MYO16: variants seen among roughly 807,000 people sequenced by gnomAD.
MYO16 encodes myosin XVI.
Under a neutral mutation model 205.3 loss-of-function variants are expected in MYO16, and 94 were observed. The ratio of observed to expected loss-of-function variants is 0.46; its 90% CI spans 0.39 to 0.54. MYO16 has a LOEUF of 0.54. Ranked by LOEUF, MYO16 falls within the 20% of genes least tolerant of loss-of-function variation. The pLI is 0.00. For synonymous variants in MYO16, 988 were observed against 954.0 expected, an observed-to-expected ratio of 1.04 and a Z score of -0.66; for missense variants, 2,315 against 2,387.5, an observed-to-expected ratio of 0.97 and a Z score of 0.63.
the MYO16 span, among the ~76,000 whole-genome samples, chr13:108,576,887 A>G: frequency 2.6e-5 from 4 of 152,056 alleles, no homozygotes; most frequent in Non-Finnish European, 5.9e-5. Flanking sequence ...CAGCCTCCTG[A>G]GTAGCTGGGA....
the MYO16 span, among the ~76,000 whole-genome samples, chr13:108,567,565 T>C: frequency 6.6e-6 from 1 of 152,190 alleles, no homozygotes; most frequent in East Asian, 1.9e-4. Flanking sequence ...AGGATACTCA[T>C]GGCATCTCTT....
chr13:109,138,817 T>A (rs140119502), intron 31 of MYO16, among the ~76,000 whole-genome samples: 2,709 of 152,074 alleles, frequency 0.018, 39 homozygotes, highest in South Asian at 0.03. Flanking sequence ...ATTTAATTTA[T>A]TTATTTATTT....
At chr13:109,022,470 ATG>A (rs1886090727) in intron 23 of MYO16, among the ~76,000 whole-genome samples, 3 of 90,136 alleles carry the variant, frequency 3.3e-5, no homozygotes, top group African/African-American at 1.0e-4. Flanking sequence ...ATATAAACAT[ATG>A]TATATATTTA....
At position 109,127,355 on chromosome 13, in the gene MYO16, G is replaced by A; in HGVS notation, c.3856G>A (p.Gly1286Ser). 15 of 1,613,576 alleles carry A rather than the reference G, an allele frequency of 9.3e-6. No homozygotes were observed. The highest frequency in any genetic ancestry group is 9.3e-6 in the Non-Finnish European group (11 of 1,179,752). Residue 1286 changes from glycine (G) to serine (S), a missense_variant, in exon 31 of 35, where the codon GGC (glycine) becomes AGC (serine). By Grantham distance (56) the Gly-to-Ser change is moderately conservative. Around this residue, in one of 3 missense-constraint regions of MYO16, gnomAD observed 1,097 missense variants for 1,092.0 expected, o/e 1.00. Transcript: ENST00000457511. The surrounding 1 kb of genome is among the most constrained non-coding windows in gnomAD (Gnocchi z 4.2). ...AGTCTGCGCGGCCGTGGATGGCCTG[G>A]GCCAGTGCCTCGTTGGCCCGTCCAT... ...MSVCAAVDGL[G>S]QCLVGPSIWS...
chr13:108,608,940 T>C (rs999553718), intron 1 of MYO16, among the ~76,000 whole-genome samples: 1 of 152,168 alleles, frequency 6.6e-6, no homozygotes, highest in East Asian at 1.9e-4. Context: ...TACCCCACGA[T>C]GAGATTTTTG....
chr13:109,207,756 A>G lies in MYO16; in HGVS notation c.*920A>G. ...AGTACAAATGAGCACGCTGCCATGT[A>G]CTGGTTTGAGCAGTAGGGGCTGCAT... On this transcript the variant is annotated 3_prime_UTR_variant, in exon 35 of 35. Transcript: ENST00000457511. 6.6e-6 allele frequency: 1 copy of G among 152,266 alleles called. No individual in the cohort carries two copies. The highest frequency in any genetic ancestry group is 1.9e-4 in the East Asian group (1 of 5,202). The allele number at this position is 152,266 out of a possible 1,614,324, so 9.4% of individuals were successfully genotyped here.
intron 32 of MYO16, among the ~76,000 whole-genome samples, chr13:109,158,866 C>G (rs770176095): frequency 6.6e-6 from 1 of 152,202 alleles, no homozygotes; most frequent in Non-Finnish European, 1.5e-5. Flanking sequence ...TTGAGTCCCT[C>G]CCTCGGCCTT....
intron 2 of MYO16, among the ~76,000 whole-genome samples, chr13:108,678,524 C>A (rs1205917556): frequency 6.6e-6 from 1 of 152,164 alleles, no homozygotes; most frequent in Non-Finnish European, 1.5e-5. Flanking sequence ...AACACCCCTA[C>A]CAGGCTTTTT....
chr13:108,960,425 A>AC, intron 17 of MYO16, among the ~76,000 whole-genome samples: 1 of 152,336 alleles, frequency 6.6e-6, no homozygotes, highest in South Asian at 2.1e-4. Context: ...TTATATGTAT[A>AC]TCACTTTCAT....
chr13:109,150,922 A>G (rs1877624589), intron 32 of MYO16, among the ~76,000 whole-genome samples: 1 of 152,202 alleles, frequency 6.6e-6, no homozygotes, highest in South Asian at 2.1e-4. Context: ...CTTCCTGACT[A>G]TCTGCATCTC....
intron 16 of MYO16, among the ~76,000 whole-genome samples, chr13:108,938,441 C>T (rs966915295): frequency 1.3e-5 from 2 of 152,330 alleles, no homozygotes; most frequent in East Asian, 3.9e-4. Context: ...ACCCACAGGT[C>T]CCCTCTTGGC....
chr13:108,498,834 C>T, the MYO16 span, among the ~76,000 whole-genome samples: 1 of 152,128 alleles, frequency 6.6e-6, no homozygotes, highest in South Asian at 2.1e-4. Flanking sequence ...CATTTAGTAT[C>T]TCATTTGATC....
At chr13:109,063,227 G>T (rs1887643652) in intron 27 of MYO16, among the ~76,000 whole-genome samples, 1 of 152,120 alleles carries the variant, frequency 6.6e-6, no homozygotes, top group African/African-American at 2.4e-5. Flanking sequence ...GAAACTGGAG[G>T]ATCGCTTTAG....
chr13:108,689,681 T>C (rs1882815903), intron 2 of MYO16, among the ~76,000 whole-genome samples: 1 of 151,922 alleles, frequency 6.6e-6, no homozygotes, highest in Non-Finnish European at 1.5e-5. Flanking sequence ...GTAATGAATG[T>C]ACAAATACAG....
At chr13:108,801,763 T>A (rs1451698579) in intron 6 of MYO16, among the ~76,000 whole-genome samples, 1 of 152,120 alleles carries the variant, frequency 6.6e-6, no homozygotes, top group Non-Finnish European at 1.5e-5. Context: ...ATAATAAGAG[T>A]GCCACATTAT....
At chr13:108,963,862 G>T (rs145993805) in intron 19 of MYO16, among the ~76,000 whole-genome samples, 39 of 152,220 alleles carry the variant, frequency 2.6e-4, no homozygotes, top group African/African-American at 8.4e-4. Context: ...ATGGCTCTAG[G>T]AACGTCAATT....
rs186814857 is a variant in MYO16, at chr13:108,975,199, T to A, written c.2369+10297T>A. ...TTGGGATACTGTTTTTGTTTTTTTT[T>A]TTATTAAAAAGGCCACTATTGCGGT... is the stretch of plus-strand genomic sequence containing the variant. On this transcript the variant is annotated intron_variant, in intron 20 of 34. Transcript: ENST00000457511. 3.7e-3 allele frequency among the ~76,000 whole-genome samples: 569 copies of A among 151,866 alleles called. 2 individuals are homozygous for A. Among genetic ancestry groups the A allele is most frequent in the African/African-American group, 0.012 (499 of 41,278 alleles).
At chr13:109,039,614 A>G (rs1431274) in intron 23 of MYO16, among the ~76,000 whole-genome samples, 57,042 of 152,070 alleles carry the variant, frequency 0.38, 11,604 homozygotes, top group East Asian at 0.83. Context: ...ATAAAAGGGG[A>G]AATCGTGACA....
chr13:109,014,079 C>A (rs1885716226), intron 22 of MYO16, among the ~76,000 whole-genome samples: 1 of 152,138 alleles, frequency 6.6e-6, no homozygotes, highest in Non-Finnish European at 1.5e-5. Context: ...AAGTTTTCTT[C>A]TAGGGTTTTT....
Sources: allele counts gnomAD v4.1 joint callset (sites outside exome capture counted in the v4.1 genomes callset), GRCh38; gene constraint gnomAD v4.1.1; regional missense constraint gnomAD v4.1.1; non-coding constraint Gnocchi (gnomAD v3.1); transcripts MANE v1.5; gene names NCBI Gene and HGNC (gene_info 2026-07-23, HGNC 2026-07-21).